The following FHIT variants were observed in gnomAD, a reference collection of about 807,000 sequenced individuals.
FHIT encodes the protein fragile histidine triad diadenosine triphosphatase.
Under a neutral mutation model 17.9 loss-of-function variants are expected in FHIT, and 19 were observed. The ratio of observed to expected loss-of-function variants is 1.06; its 90% CI spans 0.74 to 1.56. The LOEUF (loss-of-function observed/expected upper bound fraction) is 1.56. Among genes scored for constraint, FHIT ranks in the 40% most tolerant of loss-of-function variants. The probability of loss-of-function intolerance (pLI) is 0.00; values close to 1 mark genes in which losing one functional copy is unlikely to be tolerated. For missense variants in FHIT, 248 were observed against 189.2 expected, an observed-to-expected ratio of 1.31 and a Z score of -1.82; for synonymous variants, 81 against 69.7, an observed-to-expected ratio of 1.16 and a Z score of -0.81.
At chr3:60,757,177 CAAGT>C (rs10568757) in intron 4 of FHIT, among the ~76,000 whole-genome samples, 43,519 of 151,688 alleles carry the variant, frequency 0.29, 7,085 homozygotes, top group Middle Eastern at 0.37. Flanking sequence ...AGATAAACTT[CAAGT>C]AAGCTATTTT....
intron 7 of FHIT, among the ~76,000 whole-genome samples, chr3:59,996,055 T>C (rs1037333813): frequency 6.6e-6 from 1 of 152,020 alleles, no homozygotes; most frequent in Non-Finnish European, 1.5e-5. Flanking sequence ...ATCACAGAAA[T>C]TGAAGTGGGC....
chr3:60,539,956 T>TAAATA (rs1040770822), intron 4 of FHIT, among the ~76,000 whole-genome samples: 2 of 149,130 alleles, frequency 1.3e-5, no homozygotes, highest in African/African-American at 2.5e-5. Context: ...TATATATATA[T>TAAATA]AAATAAAATA....
chr3:59,756,992 CA>C (rs1364320709), intron 8 of FHIT, among the ~76,000 whole-genome samples: 1 of 152,140 alleles, frequency 6.6e-6, no homozygotes, highest in Non-Finnish European at 1.5e-5. Context: ...AAAATAACAG[CA>C]CTTCCAACTG....
At chr3:60,098,893 C>T (rs958404962) in intron 5 of FHIT, among the ~76,000 whole-genome samples, 1 of 152,106 alleles carries the variant, frequency 6.6e-6, no homozygotes, top group African/African-American at 2.4e-5. Context: ...TGGGAGTCAG[C>T]ACCCCTAACC....
chr3:60,176,262 G>T (rs140552709), intron 5 of FHIT, among the ~76,000 whole-genome samples: 267 of 152,262 alleles, frequency 1.8e-3, no homozygotes, highest in African/African-American at 6.2e-3. Context: ...TGAGGCAGGA[G>T]AATTGCTTGA....
At chr3:60,232,104 T>C (rs978629370) in intron 5 of FHIT, among the ~76,000 whole-genome samples, 1 of 152,156 alleles carries the variant, frequency 6.6e-6, no homozygotes, top group African/African-American at 2.4e-5. Flanking sequence ...GTAGAAATGG[T>C]ATGTGCCACA....
chr3:61,043,690 C>G, intron 2 of FHIT, among the ~76,000 whole-genome samples: 1 of 152,176 alleles, frequency 6.6e-6, no homozygotes, highest in African/African-American at 2.4e-5. Context: ...TCAAGTGGGT[C>G]CCTGAGACCC....
chr3:60,776,057 T>C (rs1700208202), intron 4 of FHIT, among the ~76,000 whole-genome samples: 1 of 152,238 alleles, frequency 6.6e-6, no homozygotes, highest in Admixed American at 6.5e-5. Context: ...GATGTTGTAC[T>C]AGGCTAGCCT....
intron 3 of FHIT, among the ~76,000 whole-genome samples, chr3:60,967,665 G>A (rs946368379): frequency 5.9e-5 from 9 of 151,822 alleles, no homozygotes; most frequent in African/African-American, 1.2e-4. Context: ...AAGAAAAATC[G>A]AAAAAAGAGC....
intron 8 of FHIT, among the ~76,000 whole-genome samples, chr3:59,797,847 A>C (rs1210012935): frequency 2.0e-5 from 3 of 152,232 alleles, no homozygotes; most frequent in Admixed American, 6.5e-5. Context: ...GCTTAAATAG[A>C]CATTTTTATT....
At chr3:59,927,724 G>A (rs777830361) in intron 7 of FHIT, among the ~76,000 whole-genome samples, 6 of 152,008 alleles carry the variant, frequency 3.9e-5, no homozygotes, top group Non-Finnish European at 8.8e-5. Context: ...AGCCGAGATC[G>A]TGCCACTGCA....
intron 4 of FHIT, among the ~76,000 whole-genome samples, chr3:60,783,872 C>T (rs1355232837): frequency 1.3e-5 from 2 of 152,112 alleles, no homozygotes; most frequent in Non-Finnish European, 2.9e-5. Flanking sequence ...ATCCCAATGC[C>T]CCTTTCTCCC....
intron 3 of FHIT, among the ~76,000 whole-genome samples, chr3:60,968,678 T>A (rs142578136): frequency 5.9e-5 from 9 of 152,340 alleles, no homozygotes; most frequent in African/African-American, 2.2e-4. Flanking sequence ...CCCAAAGTGC[T>A]GGGAATACAG....
At chr3:61,217,438 T>A (rs1292906497) in intron 1 of FHIT, among the ~76,000 whole-genome samples, 1 of 152,224 alleles carries the variant, frequency 6.6e-6, no homozygotes, top group African/African-American at 2.4e-5. Context: ...AATATGTCCA[T>A]GTGGCCTCTC....
intron 4 of FHIT, among the ~76,000 whole-genome samples, chr3:60,630,882 C>CT (rs2039420495): frequency 6.7e-6 from 1 of 149,260 alleles, no homozygotes; most frequent in Non-Finnish European, 1.5e-5. Context: ...ATTCTTTAAC[C>CT]TTTTTTGGAA....
At chr3:60,908,972 C>T (rs1253280541) in intron 3 of FHIT, among the ~76,000 whole-genome samples, 4 of 152,146 alleles carry the variant, frequency 2.6e-5, no homozygotes, top group Non-Finnish European at 5.9e-5. Context: ...TTTTGGTATG[C>T]TCCAATTTTT....
intron 7 of FHIT, among the ~76,000 whole-genome samples, chr3:59,989,338 A>G (rs1217343415): frequency 6.6e-6 from 1 of 151,978 alleles, no homozygotes; most frequent in African/African-American, 2.4e-5. Context: ...TCCCCCACAC[A>G]TTAGGACTTT....
At chr3:60,248,884 A>AT (rs1705542186) in intron 5 of FHIT, among the ~76,000 whole-genome samples, 1 of 152,158 alleles carries the variant, frequency 6.6e-6, no homozygotes, top group Non-Finnish European at 1.5e-5. Context: ...GGAAAGTCAC[A>AT]TTTTTATCAT....
chr3:60,667,892 G>C (rs1553692866), intron 4 of FHIT, among the ~76,000 whole-genome samples: 1 of 151,926 alleles, frequency 6.6e-6, no homozygotes, highest in Admixed American at 6.6e-5. Context: ...ACTGGTTCCT[G>C]CCTCTACCCC....
Sources: allele counts gnomAD v4.1 joint callset (sites outside exome capture counted in the v4.1 genomes callset), GRCh38; gene constraint gnomAD v4.1.1; transcripts MANE v1.5; gene names NCBI Gene and HGNC (gene_info 2026-07-23, HGNC 2026-07-21).